The following CTNNA2 variants were observed in gnomAD, a reference collection of about 807,000 sequenced individuals.
CTNNA2 encodes catenin alpha-2.
CTNNA2 carries 42 observed loss-of-function variants against 101.0 expected under a neutral mutation model. The ratio of observed to expected loss-of-function variants is 0.42; its 90% confidence interval spans 0.32 to 0.54. The LOEUF (loss-of-function observed/expected upper bound fraction) is 0.54, where lower values mean the gene tolerates loss of function less well. Among genes scored for constraint, CTNNA2 ranks in the 20% least tolerant of loss-of-function variants. CTNNA2 has a pLI of 0.14. For synonymous variants in CTNNA2, 450 were observed against 456.4 expected, an observed-to-expected ratio of 0.99 and a Z score of 0.18; for missense variants, 871 against 1,223.1, an observed-to-expected ratio of 0.71 and a Z score of 4.29.
At chr2:80,431,628 G>C (rs1425616722) in intron 9 of CTNNA2, among the ~76,000 whole-genome samples, 3 of 152,206 alleles carry the variant, frequency 2.0e-5, no homozygotes, top group African/African-American at 4.8e-5. Context: ...GAGTACAGCT[G>C]GTAGTTGAGC....
intron 1 of CTNNA2, among the ~76,000 whole-genome samples, chr2:79,646,721 G>C (rs1680851094): frequency 6.6e-6 from 1 of 151,798 alleles, no homozygotes; most frequent in African/African-American, 2.4e-5. Context: ...GTAGATATTG[G>C]TCTCACTATG....
intron 7 of CTNNA2, among the ~76,000 whole-genome samples, chr2:80,110,190 A>G (rs923994979): frequency 6.6e-6 from 1 of 152,150 alleles, no homozygotes; most frequent in East Asian, 1.9e-4. Flanking sequence ...GACCCTGGGA[A>G]TTATCTTGTT....
At chr2:80,614,585 T>G (rs1698702337) in intron 17 of CTNNA2, among the ~76,000 whole-genome samples, 1 of 151,426 alleles carries the variant, frequency 6.6e-6, no homozygotes, top group African/African-American at 2.4e-5. Flanking sequence ...TTAAGAAGTA[T>G]TATTTTATAA....
intron 1 of CTNNA2, among the ~76,000 whole-genome samples, chr2:79,588,980 A>C (rs1483337244): frequency 6.6e-6 from 1 of 152,236 alleles, no homozygotes; most frequent in African/African-American, 2.4e-5. Context: ...TTGGAGGACT[A>C]ACCAGGCAAA....
At chr2:80,597,548 T>C (rs749728227) in intron 15 of CTNNA2, among the ~76,000 whole-genome samples, 27 of 152,234 alleles carry the variant, frequency 1.8e-4, no homozygotes, top group Middle Eastern at 3.4e-3. Context: ...ACCTACAGAA[T>C]GGGATAAATT....
At chr2:80,238,146 C>T (rs1391114432) in intron 7 of CTNNA2, among the ~76,000 whole-genome samples, 2 of 152,116 alleles carry the variant, frequency 1.3e-5, no homozygotes, top group African/African-American at 4.8e-5. Context: ...AGTGCATTCT[C>T]ACAAGGAGAA....
At chr2:79,695,472 T>C (rs1328198952) in intron 2 of CTNNA2, among the ~76,000 whole-genome samples, 1 of 151,914 alleles carries the variant, frequency 6.6e-6, no homozygotes, top group Non-Finnish European at 1.5e-5. Flanking sequence ...TTCAATAAAC[T>C]ATAGGAGCAG....
chr2:79,235,512 T>C (rs1674544693), intron 2 of CTNNA2, among the ~76,000 whole-genome samples: 1 of 152,022 alleles, frequency 6.6e-6, no homozygotes, highest in African/African-American at 2.4e-5. Flanking sequence ...CATATTTCTT[T>C]TGTTAGGTGC....
chr2:79,965,530 T>C (rs1689978844), intron 7 of CTNNA2, among the ~76,000 whole-genome samples: 1 of 151,840 alleles, frequency 6.6e-6, no homozygotes, highest in Admixed American at 6.6e-5. Flanking sequence ...ATGCATACTG[T>C]CTATAAAAAC....
intron 7 of CTNNA2, among the ~76,000 whole-genome samples, chr2:80,080,156 T>A (rs1345558101): frequency 6.6e-6 from 1 of 152,102 alleles, no homozygotes; most frequent in East Asian, 1.9e-4. Flanking sequence ...TTGTAAAGTG[T>A]GGCTGGTACA....
At chr2:80,607,905 A>G (rs993959462) in intron 16 of CTNNA2, among the ~76,000 whole-genome samples, 10 of 151,908 alleles carry the variant, frequency 6.6e-5, no homozygotes, top group Non-Finnish European at 8.8e-5. Context: ...AGAGTTTAGA[A>G]GACAGCAGGT....
intron 3 of CTNNA2, among the ~76,000 whole-genome samples, chr2:79,827,805 T>G (rs1558558230): frequency 6.6e-6 from 1 of 152,370 alleles, no homozygotes; most frequent in East Asian, 1.9e-4. Flanking sequence ...TGAGTGATTT[T>G]TATTATCACA....
chr2:79,949,507 C>G (rs1447244574), intron 7 of CTNNA2, among the ~76,000 whole-genome samples: 1 of 152,106 alleles, frequency 6.6e-6, no homozygotes, highest in Non-Finnish European at 1.5e-5. Context: ...GTGGCTCATC[C>G]CTATAATCCC....
At chr2:79,879,295 A>G (rs894812305) in intron 6 of CTNNA2, among the ~76,000 whole-genome samples, 29 of 152,176 alleles carry the variant, frequency 1.9e-4, no homozygotes, top group African/African-American at 7.0e-4. Context: ...TCTTGGCTAT[A>G]CGGGGTCTTC....
At chr2:80,198,258 G>C (rs559905415) in intron 7 of CTNNA2, among the ~76,000 whole-genome samples, 9 of 152,232 alleles carry the variant, frequency 5.9e-5, no homozygotes, top group African/African-American at 2.2e-4. Flanking sequence ...GTTACGTCAG[G>C]GGTGTCTTCT....
chr2:79,557,239 C>T (rs1035501268), intron 1 of CTNNA2, among the ~76,000 whole-genome samples: 3 of 151,872 alleles, frequency 2.0e-5, no homozygotes, highest in Admixed American at 6.6e-5. Flanking sequence ...AACTTTTGCC[C>T]GTTAGGAGAG....
chr2:79,261,760 ACAT>A (rs1476335527), intron 2 of CTNNA2, among the ~76,000 whole-genome samples: 2 of 152,242 alleles, frequency 1.3e-5, no homozygotes, highest in Admixed American at 1.3e-4. Flanking sequence ...AAATGCAGTC[ACAT>A]CAGGGATTCA....
chr2:79,285,220 A>T (rs1312239906), intron 2 of CTNNA2, among the ~76,000 whole-genome samples: 11 of 150,148 alleles, frequency 7.3e-5, no homozygotes, highest in African/African-American at 2.4e-4. Context: ...GGATTCATTA[A>T]TTTTTTGAAG....
intron 2 of CTNNA2, among the ~76,000 whole-genome samples, chr2:79,296,519 T>C (rs1406859766): frequency 6.6e-6 from 1 of 152,172 alleles, no homozygotes; most frequent in African/African-American, 2.4e-5. Flanking sequence ...TTTGTGCATT[T>C]ATTTACTACA....
Sources: gnomAD v4.1 joint callset for allele counts (sites outside exome capture counted in the v4.1 genomes callset) on GRCh38, gnomAD v4.1.1 for gene constraint, MANE v1.5 for transcripts, NCBI Gene and HGNC (gene_info 2026-07-23, HGNC 2026-07-21) for gene names.